The following MPP7 variants were observed in gnomAD, a reference collection of about 807,000 sequenced individuals.
MPP7 encodes MAGUK p55 scaffold protein 7.
In MPP7, 60 loss-of-function variants were observed where a neutral mutation model predicts 76.5. The observed-to-expected ratio is 0.78, with a 90% CI of 0.64 to 0.97. The LOEUF (loss-of-function observed/expected upper bound fraction) is 0.97, where lower values mean the gene tolerates loss of function less well. MPP7 is among the 50% of genes least tolerant of loss of function. The pLI, the probability that MPP7 is intolerant of heterozygous loss-of-function variation, is 0.00. For synonymous variants in MPP7, 237 were observed against 244.5 expected, an observed-to-expected ratio of 0.97 and a Z score of 0.29; for missense variants, 641 against 694.0, an observed-to-expected ratio of 0.92 and a Z score of 0.86.
intron 2 of MPP7, among the ~76,000 whole-genome samples, chr10:28,206,203 C>G (rs960699434): frequency 2.6e-4 from 39 of 152,272 alleles, no homozygotes; most frequent in African/African-American, 9.4e-4. Flanking sequence ...ATTCAGGGTA[C>G]TATGCTTGTC....
chr10:28,063,190 G>A (rs1851860491), intron 13 of MPP7, among the ~76,000 whole-genome samples: 1 of 152,140 alleles, frequency 6.6e-6, no homozygotes, highest in South Asian at 2.1e-4. Flanking sequence ...GCCAGGCACA[G>A]TGCCTCATAC....
At position 28,189,570 on chromosome 10, in the gene MPP7, CAAAAAAAAAAAAA is replaced by C. The variant is rs59436299; in HGVS notation, c.156+12570_156+12582del. 1.2e-4 allele frequency among the ~76,000 whole-genome samples: 8 copies of C among 69,528 alleles called. No homozygotes were observed. The East Asian group carries it at 2.4e-3, about 21-fold the overall frequency. 45.6% of individuals were successfully genotyped at this position (69,528 alleles called of 152,430 possible). ...AGGGAGACAGAGCAAGACCCTGTCT[CAAAAAAAAAAAAA>C]AAAAAAAAAAAAAAAACCTGTATTT... On this transcript the variant is annotated intron_variant, in intron 3 of 16. Transcript: ENST00000683449.
At chr10:28,320,832 GT>G (rs5784052) in intron 2 of MPP7, among the ~76,000 whole-genome samples, 7 of 148,688 alleles carry the variant, frequency 4.7e-5, no homozygotes, top group Admixed American at 1.3e-4. Flanking sequence ...TTTTTTGTTT[GT>G]TTTTTTTTTG....
At chr10:28,161,686 T>C (rs1836269555) in intron 3 of MPP7, among the ~76,000 whole-genome samples, 1 of 152,166 alleles carries the variant, frequency 6.6e-6, no homozygotes. Context: ...ATTTCTGAAG[T>C]CTAAGTGAAA....
At chr10:28,186,177 C>G (rs937932718) in intron 3 of MPP7, among the ~76,000 whole-genome samples, 7 of 152,048 alleles carry the variant, frequency 4.6e-5, no homozygotes, top group Non-Finnish European at 7.4e-5. Context: ...GAAGCCCTGT[C>G]TCTACTAAAA....
intron 11 of MPP7, among the ~76,000 whole-genome samples, chr10:28,114,135 GCA>G: frequency 6.6e-6 from 1 of 152,340 alleles, no homozygotes; most frequent in Non-Finnish European, 1.5e-5. Flanking sequence ...ATGTGGCTGA[GCA>G]CAGTGGCTCA....
intron 2 of MPP7, among the ~76,000 whole-genome samples, chr10:28,204,343 T>C (rs1837877425): frequency 6.7e-6 from 1 of 149,764 alleles, no homozygotes; most frequent in Non-Finnish European, 1.5e-5. Flanking sequence ...CTCGGGAGGC[T>C]GAGGCAGGAG....
intron 2 of MPP7, among the ~76,000 whole-genome samples, chr10:28,319,158 A>G (rs1834344395): frequency 6.6e-6 from 1 of 152,142 alleles, no homozygotes; most frequent in Non-Finnish European, 1.5e-5. Flanking sequence ...CATGTCTTAC[A>G]TGGCCAGAGC....
intron 5 of MPP7, among the ~76,000 whole-genome samples, chr10:28,143,916 A>C: frequency 7.0e-6 from 1 of 142,918 alleles, no homozygotes; most frequent in Non-Finnish European, 1.5e-5. Context: ...ACTGAGTTTC[A>C]CTCTTTCACC....
At chr10:28,143,828 CTCTT>C (rs985842613) in intron 5 of MPP7, among the ~76,000 whole-genome samples, 6 of 140,868 alleles carry the variant, frequency 4.3e-5, no homozygotes, top group African/African-American at 1.2e-4. Flanking sequence ...CCATCCCACA[CTCTT>C]TCATTAGGAC....
intron 11 of MPP7, among the ~76,000 whole-genome samples, chr10:28,090,066 T>C (rs919660162): frequency 2.6e-5 from 4 of 152,104 alleles, no homozygotes; most frequent in Admixed American, 6.5e-5. Flanking sequence ...GCTCAAGCGA[T>C]CCTCCCACCT....
At chr10:28,214,687 T>C (rs1838250949) in intron 2 of MPP7, among the ~76,000 whole-genome samples, 1 of 152,206 alleles carries the variant, frequency 6.6e-6, no homozygotes, top group East Asian at 1.9e-4. Context: ...ACCTTTAAGC[T>C]GTCCTTGTTT....
At position 28,119,732 on chromosome 10, in the gene MPP7, C is replaced by G; in HGVS notation, c.888-17G>C. Reference sequence around the variant, plus strand: ...GCCAATCTCCTGGGAGAAAGAAGGTCAACATACCTATCAATTTTCAGCACA... The same window carrying G: ...GCCAATCTCCTGGGAGAAAGAAGGTGAACATACCTATCAATTTTCAGCACA... On this transcript the variant is annotated splice_polypyrimidine_tract_variant and intron_variant, in intron 10 of 16. Coordinates refer to ENST00000683449, the MANE Select transcript of MPP7 (RefSeq NM_001318170.2). The G allele has an allele frequency of 6.2e-7, 1 of 1,607,394 alleles. No individual in the cohort carries two copies. The highest frequency in any genetic ancestry group is 2.2e-5 in the East Asian group (1 of 44,760).
intron 3 of MPP7, among the ~76,000 whole-genome samples, chr10:28,167,309 TCAAAAAAACAAACAAA>T (rs1372405423): frequency 4.0e-5 from 3 of 74,132 alleles, no homozygotes; most frequent in Non-Finnish European, 8.9e-5. Context: ...AGGCTCTGCC[TCAAAAAAACAAACAAA>T]CAAACAAACA....
At chr10:28,194,899 G>T (rs982275694) in intron 3 of MPP7, among the ~76,000 whole-genome samples, 1 of 152,146 alleles carries the variant, frequency 6.6e-6, no homozygotes, top group Non-Finnish European at 1.5e-5. Context: ...ACATTGGTTC[G>T]TTAATTGACA....
At chr10:28,315,700 T>C (rs1280672378) in intron 2 of MPP7, among the ~76,000 whole-genome samples, 1 of 152,146 alleles carries the variant, frequency 6.6e-6, no homozygotes, top group Non-Finnish European at 1.5e-5. Flanking sequence ...TTTATGTAAA[T>C]ACTCCATCCT....
chr10:28,183,529 C>T (rs184995042), intron 3 of MPP7, among the ~76,000 whole-genome samples: 212 of 152,276 alleles, frequency 1.4e-3, no homozygotes, highest in African/African-American at 4.8e-3. Flanking sequence ...TGGCTCATGG[C>T]TGTAATCCCA....
At chr10:28,070,902 T>C (rs183866150) in intron 12 of MPP7, among the ~76,000 whole-genome samples, 5 of 152,298 alleles carry the variant, frequency 3.3e-5, no homozygotes, top group African/African-American at 9.6e-5. Context: ...CAGCATTGCT[T>C]TCCACCTAAA....
intron 11 of MPP7, among the ~76,000 whole-genome samples, chr10:28,102,841 C>T (rs1853888422): frequency 6.6e-6 from 1 of 152,204 alleles, no homozygotes; most frequent in Admixed American, 6.5e-5. Flanking sequence ...CAGGAGCTCC[C>T]TGCTTCTGCT....
Sources: gnomAD v4.1 joint callset for allele counts (sites outside exome capture counted in the v4.1 genomes callset) on GRCh38, gnomAD v4.1.1 for gene constraint, MANE v1.5 for transcripts, NCBI Gene and HGNC (gene_info 2026-07-23, HGNC 2026-07-21) for gene names.